PCDH9: variants seen among roughly 807,000 people sequenced by gnomAD.
The protein encoded by PCDH9 is protocadherin 9, also known as protocadherin-9.
In PCDH9, 24 loss-of-function variants were observed where a neutral mutation model predicts 70.6. That is an observed-to-expected ratio of 0.34 (90% CI 0.25 to 0.48). The LOEUF is 0.48. PCDH9 is among the 20% of genes least tolerant of loss of function. The pLI is 0.99. For synonymous variants in PCDH9, 562 were observed against 558.5 expected (o/e 1.01, Z -0.09); for missense variants, 1,281 against 1,503.6 (o/e 0.85, Z 2.45).
chr13:66,665,110 T>TC (rs11390831), intron 3 of PCDH9, among the ~76,000 whole-genome samples: 65,256 of 140,132 alleles, frequency 0.47, 14,445 homozygotes, highest in African/African-American at 0.54. Context: ...TTTTCTCTCC[T>TC]TTTTTTTTTT....
chr13:66,635,183 T>C lies in PCDH9; in HGVS notation c.3139-3772A>G, dbSNP rs940722147. On this transcript the variant is annotated intron_variant, in intron 3 of 4. Transcript: ENST00000377865. ...CTTCAGCCTCTCCAGAGCTGGGCAG[T>C]TACATTTTGTTTTCCTAAATCTATT... Among the ~76,000 whole-genome samples, 8 of 152,284 alleles carry C rather than the reference T, an allele frequency of 5.3e-5. 1 individual carries two copies. The East Asian group carries it at 1.5e-3, about 29-fold the overall frequency.
intron 2 of PCDH9, among the ~76,000 whole-genome samples, chr13:67,058,352 C>G (rs940896077): frequency 6.6e-6 from 1 of 152,080 alleles, no homozygotes; most frequent in Non-Finnish European, 1.5e-5. Context: ...ATTGAACACT[C>G]CTTATCTTAT....
intron 4 of PCDH9, among the ~76,000 whole-genome samples, chr13:66,526,761 G>T (rs1050251717): frequency 6.6e-6 from 1 of 152,114 alleles, no homozygotes; most frequent in Non-Finnish European, 1.5e-5. Context: ...TTCCCAGCAA[G>T]AATATCTCAA....
chr13:67,110,141 A>T, intron 2 of PCDH9, among the ~76,000 whole-genome samples: 1 of 152,056 alleles, frequency 6.6e-6, no homozygotes, highest in Non-Finnish European at 1.5e-5. Context: ...AGTCCTCATA[A>T]TCTAGGTTTA....
chr13:66,774,600 A>G (rs2079861314), intron 3 of PCDH9, among the ~76,000 whole-genome samples: 1 of 152,172 alleles, frequency 6.6e-6, no homozygotes, highest in Non-Finnish European at 1.5e-5. Flanking sequence ...AAACCCATGT[A>G]TTTATTGTGC....
intron 3 of PCDH9, among the ~76,000 whole-genome samples, chr13:66,797,298 C>A (rs1019430600): frequency 1.3e-5 from 2 of 152,086 alleles, no homozygotes; most frequent in African/African-American, 4.8e-5. Flanking sequence ...CCCCGTGAAA[C>A]CCCATTATCA....
intron 4 of PCDH9, among the ~76,000 whole-genome samples, chr13:66,527,551 TG>T (rs1472708792): frequency 5.3e-5 from 8 of 152,164 alleles, no homozygotes; most frequent in Non-Finnish European, 1.0e-4. Flanking sequence ...AAGAACTTTT[TG>T]TTTTTTTGGA....
At chr13:67,208,315 T>C (rs2089398088) in intron 2 of PCDH9, 1 of 152,158 alleles carries the variant, frequency 6.6e-6, no homozygotes, top group South Asian at 2.1e-4. Flanking sequence ...AGAGGCATTA[T>C]CAACATTAAA....
At chr13:66,438,024 A>G in intron 4 of PCDH9, among the ~76,000 whole-genome samples, 1 of 152,058 alleles carries the variant, frequency 6.6e-6, no homozygotes, top group Non-Finnish European at 1.5e-5. Flanking sequence ...ACCTGAGGTC[A>G]GGAGTTCAAG....
chr13:66,345,936 C>A (rs1956206126), intron 4 of PCDH9, among the ~76,000 whole-genome samples: 1 of 152,138 alleles, frequency 6.6e-6, no homozygotes, highest in Admixed American at 6.5e-5. Context: ...GTACACCACA[C>A]AATAAGCGTA....
chr13:66,934,338 T>C (rs944490925), intron 2 of PCDH9, among the ~76,000 whole-genome samples: 6 of 151,808 alleles, frequency 4.0e-5, no homozygotes, highest in African/African-American at 1.5e-4. Flanking sequence ...TCACGACCAG[T>C]CTGGCCACCT....
At chr13:66,838,381 A>T (rs1196593327) in intron 3 of PCDH9, among the ~76,000 whole-genome samples, 2 of 152,084 alleles carry the variant, frequency 1.3e-5, no homozygotes, top group Non-Finnish European at 2.9e-5. Context: ...TTTAAAAAAA[A>T]AATTCATTGT....
At chr13:66,954,054 C>A (rs940542118) in intron 2 of PCDH9, among the ~76,000 whole-genome samples, 1 of 152,150 alleles carries the variant, frequency 6.6e-6, no homozygotes, top group Non-Finnish European at 1.5e-5. Context: ...AATGAAGAAG[C>A]CTCTGATTAG....
At chr13:66,946,299 T>C (rs2083086593) in intron 2 of PCDH9, among the ~76,000 whole-genome samples, 1 of 152,064 alleles carries the variant, frequency 6.6e-6, no homozygotes, top group African/African-American at 2.4e-5. Context: ...TTACATAATA[T>C]TGAAAACTTA....
intron 4 of PCDH9, among the ~76,000 whole-genome samples, chr13:66,574,998 C>T (rs1044064875): frequency 3.6e-4 from 54 of 152,098 alleles, no homozygotes; most frequent in African/African-American, 1.2e-3. Context: ...CATGGTGAAA[C>T]CTCGTCTCTA....
intron 2 of PCDH9, among the ~76,000 whole-genome samples, chr13:67,078,616 T>C (rs969546087): frequency 9.2e-5 from 14 of 152,140 alleles, no homozygotes; most frequent in Non-Finnish European, 2.1e-4. Flanking sequence ...CCTCATAATA[T>C]ATCCCTTCTG....
intron 3 of PCDH9, among the ~76,000 whole-genome samples, chr13:66,718,543 C>G (rs1386042521): frequency 1.3e-5 from 2 of 151,930 alleles, no homozygotes; most frequent in African/African-American, 4.8e-5. Context: ...AAAGACAAAA[C>G]ATGTTTCTAT....
At chr13:66,444,882 A>C (rs947473030) in intron 4 of PCDH9, among the ~76,000 whole-genome samples, 1 of 151,792 alleles carries the variant, frequency 6.6e-6, no homozygotes, top group Non-Finnish European at 1.5e-5. Context: ...TTTTATGAGA[A>C]CTGGAGCCAA....
chr13:66,836,148 T>C (rs1356615123), intron 3 of PCDH9, among the ~76,000 whole-genome samples: 3 of 152,126 alleles, frequency 2.0e-5, no homozygotes, highest in Non-Finnish European at 2.9e-5. Flanking sequence ...ATAAAGTGTA[T>C]ATTTGTTTGA....
Sources: gnomAD v4.1 joint callset for allele counts (sites outside exome capture counted in the v4.1 genomes callset) on GRCh38, gnomAD v4.1.1 for gene constraint, MANE v1.5 for transcripts, NCBI Gene and HGNC (gene_info 2026-07-23, HGNC 2026-07-21) for gene names.